LCTL: variants seen among roughly 807,000 people sequenced by gnomAD.
The protein encoded by LCTL is lactase like, also known as lactase-like protein.
Under a neutral mutation model 75.8 loss-of-function variants are expected in LCTL, and 76 were observed. That is an observed-to-expected ratio of 1.00 (90% CI 0.83 to 1.21). LCTL has a LOEUF of 1.21. Among genes scored for constraint, LCTL ranks in the 50% most tolerant of loss-of-function variants. The probability of loss-of-function intolerance (pLI) is 0.00; values close to 1 mark genes in which losing one functional copy is unlikely to be tolerated. For synonymous variants in LCTL, 271 were observed against 268.8 expected, an observed-to-expected ratio of 1.01 and a Z score of -0.08; for missense variants, 670 against 712.4, an observed-to-expected ratio of 0.94 and a Z score of 0.68.
Position 66,553,082 on chromosome 15 carries a change from C to CA in LCTL, c.1098dup (p.Asp367Ter). ...TTTGGGTCAACCAGCTCTATCAAGT[C>CA]ACGATCGTTCTGGTAGCTGGGCCCC... is the stretch of plus-strand genomic sequence containing the variant. On this transcript the variant is annotated frameshift_variant, in exon 9 of 13. Transcript: ENST00000341509. LOFTEE classifies it high-confidence loss of function. The CA allele has an allele frequency of 2.5e-6, 4 of 1,608,974 alleles. No homozygotes were observed. The South Asian group carries it at 4.5e-5, about 18-fold the overall frequency.
Position 66,565,125 on chromosome 15 carries a change from C to T in LCTL, c.118+123G>A, listed in dbSNP as rs147002754. On this transcript the variant is annotated intron_variant, in intron 1 of 12. Transcript: ENST00000341509. ...CTGTTAGGAGCTTTTAGAACAACCA[C>T]ACAAAGGTAGGTTTCTCATCCTGCC... 612 of 763,564 alleles carry T rather than the reference C, an allele frequency of 8.0e-4. 5 individuals carry two copies. In the East Asian group the frequency reaches 0.013, roughly 16 times the overall value. The allele number at this position is 763,564 out of a possible 1,614,324, so 47.3% of individuals were successfully genotyped here. A position where few individuals can be genotyped will look rare whatever the true frequency, so the allele number is the denominator to read the frequency against.
chr15:66,549,457 G>A (rs1895512229), intron 12 of LCTL: 1 of 152,166 alleles, frequency 6.6e-6, no homozygotes. Context: ...CCCTTATGGA[G>A]AAATAAAGAT....
At chr15:66,549,180 G>C (rs1243999220) in intron 12 of LCTL, 3 of 152,236 alleles carry the variant, frequency 2.0e-5, no homozygotes, top group Non-Finnish European at 4.4e-5. Context: ...TCTGGTTACT[G>C]AGATAAATAA....
In LCTL at chr15:66,553,273, A is replaced by G; in HGVS notation, c.923-15T>C. 1.3e-6 allele frequency: 2 copies of G among 1,519,486 alleles called. No individual in the cohort carries two copies. Among genetic ancestry groups the G allele is most frequent in the Non-Finnish European group, 1.8e-6 (2 of 1,135,284 alleles). The allele number at this position is 1,519,486 out of a possible 1,614,324, so 94.1% of individuals were successfully genotyped here. A position where few individuals can be genotyped will look rare whatever the true frequency, so the allele number is the denominator to read the frequency against. ...ACTCTTTCTTCCTTTTGAGAGAGAA[A>G]AGTAGAATTTAACAAAGCCTTATTT... is the stretch of plus-strand genomic sequence containing the variant. On this transcript the variant is annotated splice_polypyrimidine_tract_variant and intron_variant, in intron 8 of 12. Coordinates refer to ENST00000341509, the Ensembl canonical transcript of LCTL.
chr15:66,565,530 C>CG (rs1311182910), upstream of LCTL: 3 of 574,368 alleles, frequency 5.2e-6, no homozygotes, highest in Admixed American at 7.2e-5. Flanking sequence ...GGCTGGATGT[C>CG]TGATGCTGTT....
chr15:66,553,438 T>A (rs1417154466), intron 8 of LCTL, among the ~76,000 whole-genome samples, 180 bp from the exon 10 acceptor site: 1 of 152,206 alleles, frequency 6.6e-6, no homozygotes, highest in African/African-American at 2.4e-5. Context: ...GTCCAAAATA[T>A]TTATAAGTTT....
chr15:66,561,902 C>T (rs1235300934), intron 4 of LCTL, among the ~76,000 whole-genome samples: 1 of 152,120 alleles, frequency 6.6e-6, no homozygotes, highest in African/African-American at 2.4e-5. Context: ...GCTCAGCACT[C>T]GAGGCCTTCG....
In LCTL at chr15:66,552,981, C is replaced by G. The variant is rs1458999993; in HGVS notation, c.1197+3G>C. Reference sequence around the variant, plus strand: ...CCTTTGAATAGCTGAATGTGATAATCACCTGAGCAAAGTTAAGGAGCCTCC... The same window carrying G: ...CCTTTGAATAGCTGAATGTGATAATGACCTGAGCAAAGTTAAGGAGCCTCC... On this transcript the variant is annotated splice_donor_region_variant and intron_variant, in intron 9 of 12. Transcript: ENST00000341509. 14 of 1,439,842 alleles carry G rather than the reference C, an allele frequency of 9.7e-6. No homozygotes were observed. The highest frequency in any genetic ancestry group is 1.3e-5 in the Non-Finnish European group (14 of 1,093,668). The allele number at this position is 1,439,842 out of a possible 1,614,324, so 89.2% of individuals were successfully genotyped here. A position where few individuals can be genotyped will look rare whatever the true frequency, so the allele number is the denominator to read the frequency against.
chr15:66,561,119 A>C lies in LCTL; in HGVS notation c.610-18T>G, dbSNP rs750175766. The C allele has an allele frequency of 2.5e-6, 4 of 1,614,204 alleles. No individual in the cohort carries two copies. The highest frequency in any genetic ancestry group is 3.4e-6 in the Non-Finnish European group (4 of 1,180,008). On this transcript the variant is annotated intron_variant, in intron 5 of 12. Coordinates refer to ENST00000341509, the Ensembl canonical transcript of LCTL. ...GCCATTGCCTATAGGGACAGCAAGC[A>C]GGACCACAGGATCCATAAGAAGTGG...
intron 12 of LCTL, chr15:66,549,409 A>T (rs1895509981): frequency 6.6e-6 from 1 of 152,244 alleles, no homozygotes; most frequent in South Asian, 2.1e-4. Flanking sequence ...CACATTAAAG[A>T]TGAGCTTGTT....
intron 11 of LCTL, among the ~76,000 whole-genome samples, chr15:66,550,742 G>GT (rs1384309018): frequency 6.6e-6 from 1 of 152,032 alleles, no homozygotes; most frequent in Non-Finnish European, 1.5e-5. Flanking sequence ...GCCTCCCAAG[G>GT]TGCTGGGGTT....
At chr15:66,550,899 G>C (rs1010595001) in intron 11 of LCTL, among the ~76,000 whole-genome samples, 1 of 152,178 alleles carries the variant, frequency 6.6e-6, no homozygotes, top group East Asian at 1.9e-4. Flanking sequence ...GGATTACTAA[G>C]TTTGATTACT....
At position 66,561,182 on chromosome 15, in the gene LCTL, C is replaced by T; in HGVS notation, c.609+5G>A. On this transcript the variant is annotated splice_donor_5th_base_variant and intron_variant, in intron 5 of 12. Transcript: ENST00000341509. Reference sequence around the variant, plus strand: ...CATTCTCCCACCTGGAGGGGCCCTGCTTACCCGAGGATCACTGAACGTGAT... The same window carrying T: ...CATTCTCCCACCTGGAGGGGCCCTGTTTACCCGAGGATCACTGAACGTGAT... 1 of 1,614,208 alleles carries T rather than the reference C, an allele frequency of 6.2e-7. No homozygotes were observed. Among genetic ancestry groups the T allele is most frequent in the Non-Finnish European group, 8.5e-7 (1 of 1,180,022 alleles).
At chr15:66,563,844 GC>G (rs1181307924) in intron 3 of LCTL, 66 bp downstream of exon 4, 15 of 1,248,530 alleles carry the variant, frequency 1.2e-5, no homozygotes, top group Non-Finnish European at 1.8e-5. Context: ...ACTCTGTGGT[GC>G]CCCTGCAAAG....
At chr15:66,551,345 CAAAA>C (rs67322943) in intron 11 of LCTL, among the ~76,000 whole-genome samples, 18 of 50,546 alleles carry the variant, frequency 3.6e-4, no homozygotes, top group South Asian at 1.3e-3. Context: ...GATTCTGTCT[CAAAA>C]AAAAAAAAAA....
At chr15:66,550,884 C>G (rs1015683088) in intron 11 of LCTL, among the ~76,000 whole-genome samples, 6 of 152,054 alleles carry the variant, frequency 3.9e-5, no homozygotes, top group African/African-American at 1.4e-4. Context: ...TTGGTAGATG[C>G]TAAAGGATTA....
At chr15:66,562,047 T>G (rs1226448066) in intron 4 of LCTL, among the ~76,000 whole-genome samples, 2 of 151,980 alleles carry the variant, frequency 1.3e-5, no homozygotes, top group African/African-American at 2.4e-5. Context: ...CACCCTTTCC[T>G]CCCACCTCCT....
intron 12 of LCTL, chr15:66,549,465 G>A (rs1240424797): frequency 6.6e-6 from 1 of 152,162 alleles, no homozygotes; most frequent in Non-Finnish European, 1.5e-5. Context: ...GAGAAATAAA[G>A]ATAAAATTCA....
rs150158989 is a variant in LCTL at position 66,558,077 on chromosome 15, T to C, written c.706-41A>G. On this transcript the variant is annotated intron_variant, in intron 6 of 12. Transcript: ENST00000341509. ...AAATTCATCGTAGGTACCTGGCCCA[T>C]CCATTTCCTCCCTTTCAATCTGAGT... is the stretch of plus-strand genomic sequence containing the variant. The C allele has an allele frequency of 2.4e-5, 36 of 1,530,166 alleles. No individual in the cohort carries two copies. In the African/African-American group the frequency reaches 4.3e-4, roughly 18 times the overall value. 94.8% of individuals were successfully genotyped at this position (1,530,166 alleles called of 1,614,324 possible). A position where few individuals can be genotyped will look rare whatever the true frequency, so the allele number is the denominator to read the frequency against.
Sources: allele counts gnomAD v4.1 joint callset (sites outside exome capture counted in the v4.1 genomes callset), GRCh38; gene constraint gnomAD v4.1.1; transcripts MANE v1.5; gene names NCBI Gene and HGNC (gene_info 2026-07-23, HGNC 2026-07-21).